FOXP2: variants seen among roughly 807,000 people sequenced by gnomAD.
FOXP2 encodes the protein forkhead box protein P2.
FOXP2 carries 12 observed loss-of-function variants against 115.8 expected under a neutral mutation model. That is an observed-to-expected ratio of 0.10 (90% confidence interval 0.07 to 0.17). FOXP2 has a LOEUF of 0.17. FOXP2 is among the 10% of genes least tolerant of loss of function. The pLI is 1.00. For synonymous variants in FOXP2, 328 were observed against 297.7 expected (o/e 1.10, Z -1.05); for missense variants, 629 against 843.5 (o/e 0.75, Z 3.15).
chr7:114,476,754 T>C (rs916959985), intron 2 of FOXP2, among the ~76,000 whole-genome samples: 7 of 152,084 alleles, frequency 4.6e-5, no homozygotes, highest in African/African-American at 1.4e-4. Flanking sequence ...ACTGTGAGCA[T>C]GGAATATTTT....
chr7:114,261,912 G>A (rs1159630242), intron 1 of FOXP2, among the ~76,000 whole-genome samples: 1 of 151,890 alleles, frequency 6.6e-6, no homozygotes, highest in African/African-American at 2.4e-5. Context: ...ACAAAAATTA[G>A]CTGGGCGTGG....
chr7:114,189,237 C>G (rs1235156838), intron 1 of FOXP2, among the ~76,000 whole-genome samples: 1 of 152,128 alleles, frequency 6.6e-6, no homozygotes, highest in Non-Finnish European at 1.5e-5. Flanking sequence ...AACTACTTTT[C>G]TGTCATATGT....
intron 1 of FOXP2, among the ~76,000 whole-genome samples, chr7:114,144,253 T>A (rs1248255376): frequency 3.3e-5 from 5 of 152,174 alleles, no homozygotes; most frequent in Non-Finnish European, 7.4e-5. Flanking sequence ...TATTTTTATT[T>A]AATTTTCTTT....
At chr7:114,254,795 T>C (rs185170016) in intron 1 of FOXP2, among the ~76,000 whole-genome samples, 314 of 152,374 alleles carry the variant, frequency 2.1e-3, no homozygotes, top group African/African-American at 7.0e-3. Context: ...TCTCAACTCG[T>C]CAAAGTCATT....
intron 2 of FOXP2, among the ~76,000 whole-genome samples, chr7:114,527,586 T>G (rs1798939428): frequency 6.6e-6 from 1 of 152,154 alleles, no homozygotes; most frequent in Non-Finnish European, 1.5e-5. Context: ...GTGGGATCAC[T>G]CTGATCACCC....
intron 2 of FOXP2, among the ~76,000 whole-genome samples, chr7:114,387,818 A>C (rs1792489931): frequency 6.6e-6 from 1 of 152,196 alleles, no homozygotes; most frequent in Non-Finnish European, 1.5e-5. Flanking sequence ...AAAATCCATT[A>C]GTTAGCATAT....
intron 1 of FOXP2, among the ~76,000 whole-genome samples, chr7:114,219,851 T>G (rs6951101): frequency 0.023 from 3,520 of 151,822 alleles, 74 homozygotes; most frequent in African/African-American, 0.055. Context: ...AGGGTTTTTT[T>G]TTTGTTTGTT....
chr7:114,373,360 A>G (rs1385706144), intron 2 of FOXP2, among the ~76,000 whole-genome samples: 1 of 152,138 alleles, frequency 6.6e-6, no homozygotes, highest in East Asian at 1.9e-4. Flanking sequence ...TCTGAGCTAC[A>G]GAGCAGCTGT....
intron 2 of FOXP2, among the ~76,000 whole-genome samples, chr7:114,361,458 A>C (rs1477009316): frequency 6.6e-6 from 1 of 152,052 alleles, no homozygotes; most frequent in Non-Finnish European, 1.5e-5. Flanking sequence ...AGTCAGAAAG[A>C]GACTATATTC....
At chr7:114,469,331 A>C (rs1000812936) in intron 2 of FOXP2, among the ~76,000 whole-genome samples, 2 of 152,226 alleles carry the variant, frequency 1.3e-5, no homozygotes, top group African/African-American at 4.8e-5. Flanking sequence ...AGATTAAAAG[A>C]GTAAGGGTTA....
rs76958913 is a variant in FOXP2, at chr7:114,343,898, T to G, written c.-11+55789T>G. 8.3e-3 allele frequency among the ~76,000 whole-genome samples: 1,263 copies of G among 151,796 alleles called. 12 individuals are homozygous for G. The highest frequency in any genetic ancestry group is 0.029 in the African/African-American group (1,200 of 41,484). On this transcript the variant is annotated intron_variant, in intron 2 of 17. Coordinates refer to the FOXP2 transcript ENST00000634411. ...TCCGCAAATATTCTATATAATTTAC[T>G]CATTTATGATGTTTATTGTCTTCCT...
chr7:114,273,542 G>A (rs1049012807), intron 1 of FOXP2, among the ~76,000 whole-genome samples: 15 of 151,976 alleles, frequency 9.9e-5, no homozygotes, highest in Non-Finnish European at 1.5e-4. Context: ...TGATAGAGGA[G>A]TGTTGAAGTT....
intron 3 of FOXP2, among the ~76,000 whole-genome samples, chr7:114,557,871 C>T (rs1331626329): frequency 1.3e-5 from 2 of 151,350 alleles, no homozygotes; most frequent in Non-Finnish European, 2.9e-5. Context: ...GTGCAGTGGC[C>T]CGATCTCAGC....
intron 2 of FOXP2, chr7:114,297,409 T>C (rs1311721518): frequency 7.9e-6 from 5 of 636,796 alleles, no homozygotes; most frequent in Admixed American, 4.5e-5. Context: ...CCCACTGTCA[T>C]AGGGGTAGCC....
At chr7:114,538,500 T>C (rs1178047517) in intron 3 of FOXP2, 1 of 525,288 alleles carries the variant, frequency 1.9e-6, no homozygotes, top group Admixed American at 3.6e-5. Context: ...GTAATTGAAT[T>C]ATAAAATTTT....
intron 16 of FOXP2, among the ~76,000 whole-genome samples, chr7:114,676,252 G>T (rs946252343): frequency 3.3e-5 from 5 of 151,994 alleles, no homozygotes; most frequent in Admixed American, 2.0e-4. Context: ...ATCGGAGCTA[G>T]TTAATGTATT....
intron 2 of FOXP2, among the ~76,000 whole-genome samples, chr7:114,372,327 G>GT (rs1792032801): frequency 1.3e-5 from 2 of 152,132 alleles, no homozygotes; most frequent in South Asian, 2.1e-4. Flanking sequence ...AATGGGAACA[G>GT]TTTTTTCATA....
upstream of FOXP2, among the ~76,000 whole-genome samples, chr7:114,087,580 G>T (rs548568697): frequency 6.7e-6 from 1 of 149,556 alleles, no homozygotes; most frequent in African/African-American, 2.4e-5. Context: ...GGCGGGCAGA[G>T]CGCGGGTCCG....
chr7:114,269,147 C>T (rs1232845860), intron 1 of FOXP2, among the ~76,000 whole-genome samples: 1 of 152,072 alleles, frequency 6.6e-6, no homozygotes, highest in East Asian at 1.9e-4. Context: ...GTTGGACAAA[C>T]AATTTGATAC....
Sources: allele counts gnomAD v4.1 joint callset (sites outside exome capture counted in the v4.1 genomes callset), GRCh38; gene constraint gnomAD v4.1.1; transcripts MANE v1.5; gene names NCBI Gene and HGNC (gene_info 2026-07-23, HGNC 2026-07-21).